Variants in HELZ observed in about 807,000 individuals in gnomAD.
The protein encoded by HELZ is helicase with zinc finger.
A neutral mutation model predicts 218.2 loss-of-function variants in HELZ; 23 were observed. The observed-to-expected ratio is 0.11, with a 90% CI of 0.08 to 0.15. The LOEUF (loss-of-function observed/expected upper bound fraction) is 0.15. Among genes scored for constraint, HELZ ranks in the 10% least tolerant of loss-of-function variants. HELZ has a pLI of 1.00. For missense variants in HELZ, 1,813 were observed against 2,353.7 expected (o/e 0.77, Z 4.75); for synonymous variants, 814 against 829.4 (o/e 0.98, Z 0.32).
At chr17:67,180,808 G>A (rs974670670) in intron 12 of HELZ, among the ~76,000 whole-genome samples, 1 of 151,298 alleles carries the variant, frequency 6.6e-6, no homozygotes, top group Non-Finnish European at 1.5e-5. Flanking sequence ...AACCCGGAAG[G>A]CGGAGCTTGC....
Position 67,215,918 on chromosome 17 carries a change from A to T in HELZ, c.228T>A (p.Ala76=). The stretch of plus-strand genomic sequence containing the variant: ...ACATACCATGTCTACAATCTTCATC[A>T]GCTTGCACATAATTTTTCTGCAAAA... ...SFLQLKNYVQ[A]DEDCRHVLGE... Residue 76 remains alanine (A), a synonymous_variant, in exon 5 of 33, where the codon GCT becomes GCA. Transcript: ENST00000358691. 6.4e-7 allele frequency: 1 copy of T among 1,556,282 alleles called. No individual in the cohort carries two copies. The highest frequency in any genetic ancestry group is 8.8e-7 in the Non-Finnish European group (1 of 1,130,380).
At position 67,074,056 on chromosome 17, in the gene HELZ, G is replaced by A. The variant is rs2143478889; in HGVS notation, c.*4196C>T. Reference sequence around the variant, plus strand: ...ATTACCTATTCTTTCTAATTTCTAGGCGGTTTGAATGTGGATCAGATGGCA... The same window carrying A: ...ATTACCTATTCTTTCTAATTTCTAGACGGTTTGAATGTGGATCAGATGGCA... On this transcript the variant is annotated 3_prime_UTR_variant, in exon 33 of 33. Transcript: ENST00000358691. 1 of 152,114 alleles carries A rather than the reference G, an allele frequency of 6.6e-6. No individual in the cohort carries two copies. Among genetic ancestry groups the A allele is most frequent in the East Asian group, 1.9e-4 (1 of 5,194 alleles). 9.4% of individuals were successfully genotyped at this position (152,114 alleles called of 1,614,324 possible).
chr17:67,086,627 T>TAA (rs1429233783), intron 32 of HELZ, among the ~76,000 whole-genome samples: 1 of 50,502 alleles, frequency 2.0e-5, no homozygotes, highest in African/African-American at 7.3e-5. Context: ...TAAATATAAA[T>TAA]ATAAATATAT....
chr17:67,193,084 T>G (rs2039937781), intron 9 of HELZ, among the ~76,000 whole-genome samples: 1 of 152,170 alleles, frequency 6.6e-6, no homozygotes, highest in Admixed American at 6.5e-5. Flanking sequence ...GGCTCACATC[T>G]GTAATCCCAG....
chr17:67,152,104 G>T (rs1198280838), intron 17 of HELZ, among the ~76,000 whole-genome samples: 1 of 152,218 alleles, frequency 6.6e-6, no homozygotes, highest in Non-Finnish European at 1.5e-5. Context: ...TATGGTGGGG[G>T]TGGATAGCGG....
intron 20 of HELZ, 32 bp from the exon 21 acceptor site, chr17:67,145,922 A>G (rs1236100384): frequency 6.3e-6 from 10 of 1,586,480 alleles, no homozygotes; most frequent in African/African-American, 1.4e-5. Context: ...AAAAAGGGGG[A>G]AAATCTACAT....
chr17:67,135,232 T>G (rs377633980), intron 23 of HELZ, among the ~76,000 whole-genome samples: 1 of 152,214 alleles, frequency 6.6e-6, no homozygotes, highest in Admixed American at 6.5e-5. Context: ...TAAGATCTTC[T>G]GGATTAACCA....
chr17:67,243,965 C>T, intron 1 of HELZ, 126 bp from the exon 2 acceptor site: 1 of 984,930 alleles, frequency 1.0e-6, no homozygotes, highest in Non-Finnish European at 1.2e-6. Context: ...AAAAATGGTA[C>T]AGTGTGCAGC....
At chr17:67,157,191 T>C (rs1421925504) in intron 17 of HELZ, among the ~76,000 whole-genome samples, 1 of 152,188 alleles carries the variant, frequency 6.6e-6, no homozygotes, top group Non-Finnish European at 1.5e-5. Flanking sequence ...CAATTAAACC[T>C]CTTTTCTTTA....
intron 2 of HELZ, among the ~76,000 whole-genome samples, chr17:67,242,348 G>A (rs2041335463): frequency 6.6e-6 from 1 of 150,388 alleles, no homozygotes; most frequent in Non-Finnish European, 1.5e-5. Context: ...GAAGGTAGAG[G>A]TTGCAGTGAG....
rs376758969 is a variant in HELZ at position 67,150,814 on chromosome 17, T to C, written c.2356+232A>G. ...TCAGTAAAGAGCCAAACAGTATATA[T>C]TTTAGATTTTGTGGACCATATAATG... On this transcript the variant is annotated intron_variant, in intron 18 of 32. Coordinates refer to ENST00000358691, the MANE Select transcript of HELZ (RefSeq NM_014877.4). Among the ~76,000 whole-genome samples the C allele has an allele frequency of 8.5e-5, 13 of 152,292 alleles. No individual in the cohort carries two copies. In the East Asian group the frequency reaches 1.9e-3, roughly 23 times the overall value.
chr17:67,213,045 A>G (rs2040498595), intron 5 of HELZ, among the ~76,000 whole-genome samples: 1 of 152,228 alleles, frequency 6.6e-6, no homozygotes, highest in Non-Finnish European at 1.5e-5. Context: ...AATTAACAGA[A>G]TAATGCAACA....
At position 67,136,153 on chromosome 17, in the gene HELZ, T is replaced by C; in HGVS notation, c.2999A>G (p.His1000Arg). The C allele has an allele frequency of 5.6e-6, 9 of 1,613,918 alleles. No homozygotes were observed. Among genetic ancestry groups the C allele is most frequent in the Non-Finnish European group, 7.6e-6 (9 of 1,179,804 alleles). The change falls in exon 23 of 33, where the codon CAT becomes CGT. Residue 1000 changes from histidine to arginine, a missense_variant. By Grantham distance (29) the His-to-Arg change is conservative. Coordinates refer to ENST00000358691, the MANE Select transcript of HELZ (RefSeq NM_014877.4). ...TGGTGTCTGTTTATGTTTACAAGTA[T>C]GTCTTGTACGTACTGTGCTAAGAAA... ...VLFLSTVRTR[H>R]TCKHKQTPIK...
At chr17:67,181,464 T>C (rs1334580246) in intron 12 of HELZ, among the ~76,000 whole-genome samples, 1 of 152,222 alleles carries the variant, frequency 6.6e-6, no homozygotes, top group Non-Finnish European at 1.5e-5. Context: ...TATAGTACCC[T>C]GATTCCCACC....
rs1257157335 is a variant in HELZ, at chr17:67,151,034, G to A, written c.2356+12C>T. The A allele has an allele frequency of 6.2e-7, 1 of 1,611,272 alleles. No individual in the cohort carries two copies. The highest frequency in any genetic ancestry group is 8.5e-7 in the Non-Finnish European group (1 of 1,177,898). Reference sequence around the variant, plus strand: ...CCCTAAACTTGTGAGACTGTGTCTTGAGTCAGCATACCAGGTTCAAGGTCC... The same window carrying A: ...CCCTAAACTTGTGAGACTGTGTCTTAAGTCAGCATACCAGGTTCAAGGTCC... On this transcript the variant is annotated intron_variant, in intron 18 of 32. Transcript: ENST00000358691.
At chr17:67,238,554 C>A (rs1029803049) in intron 3 of HELZ, among the ~76,000 whole-genome samples, 1 of 151,410 alleles carries the variant, frequency 6.6e-6, no homozygotes, top group Non-Finnish European at 1.5e-5. Context: ...TGGTGGCGGG[C>A]GCCTGTAATC....
At chr17:67,136,511 G>C (rs2143943376) in intron 22 of HELZ, among the ~76,000 whole-genome samples, 1 of 152,276 alleles carries the variant, frequency 6.6e-6, no homozygotes, top group East Asian at 1.9e-4. Context: ...GTTCATAGCA[G>C]CATTATTCAC....
chr17:67,168,814 G>T (rs576622067), intron 13 of HELZ, among the ~76,000 whole-genome samples: 1 of 152,028 alleles, frequency 6.6e-6, no homozygotes, highest in African/African-American at 2.4e-5. Flanking sequence ...ATATGGAGCC[G>T]GACATGGTGG....
intron 27 of HELZ, among the ~76,000 whole-genome samples, chr17:67,114,993 C>A (rs2037387018): frequency 6.6e-6 from 1 of 152,116 alleles, no homozygotes; most frequent in Admixed American, 6.5e-5. Context: ...GGCTTTTAAT[C>A]TACAAAAGAA....
Sources: allele counts gnomAD v4.1 joint callset (sites outside exome capture counted in the v4.1 genomes callset), GRCh38; gene constraint gnomAD v4.1.1; transcripts MANE v1.5; gene names NCBI Gene and HGNC (gene_info 2026-07-23, HGNC 2026-07-21).